The following TNFSF15 variants were observed in gnomAD, a reference collection of about 807,000 sequenced individuals.
TNFSF15 encodes tumor necrosis factor ligand superfamily member 15.
Under a neutral mutation model 26.4 loss-of-function variants are expected in TNFSF15, and 15 were observed. That is an observed-to-expected ratio of 0.57 (90% CI 0.38 to 0.87). The LOEUF (loss-of-function observed/expected upper bound fraction) is 0.87, where lower values mean the gene tolerates loss of function less well. TNFSF15 is among the 40% of genes least tolerant of loss of function. TNFSF15 has a pLI of 0.00. For missense variants in TNFSF15, 290 were observed against 306.1 expected (o/e 0.95, Z 0.39); for synonymous variants, 116 against 115.0 (o/e 1.01, Z -0.06).
At chr9:114,800,189 C>G (rs886309897) in intron 1 of TNFSF15, among the ~76,000 whole-genome samples, 2 of 152,132 alleles carry the variant, frequency 1.3e-5, no homozygotes, top group African/African-American at 4.8e-5. Context: ...CAGCAGCTTT[C>G]TGGACATTTT....
At position 114,788,455 on chromosome 9, in the gene TNFSF15, C is replaced by T. The variant is rs1443376835; in HGVS notation, c.*1997G>A. 6.5e-6 allele frequency: 1 copy of T among 152,988 alleles called. No individual in the cohort carries two copies. The highest frequency in any genetic ancestry group is 1.5e-5 in the Non-Finnish European group (1 of 68,034). 9.5% of individuals were successfully genotyped at this position (152,988 alleles called of 1,614,324 possible). On this transcript the variant is annotated 3_prime_UTR_variant, in exon 4 of 4. Coordinates refer to ENST00000374045, the MANE Select transcript of TNFSF15 (RefSeq NM_005118.4). ...AGAGGTTAGAAAATATATTTAGAGC[C>T]TTAACCTCCAAACTGAGAAATCAGA...
chr9:114,790,144 A>G lies in TNFSF15; in HGVS notation c.*308T>C. ...GAAGGTGTTGAAATATTTCTCTTTC[A>G]ATCCTGACCCGAGTAGATCATCCAT... On this transcript the variant is annotated 3_prime_UTR_variant, in exon 4 of 4. Coordinates refer to ENST00000374045, the MANE Select transcript of TNFSF15 (RefSeq NM_005118.4). 1 of 224,452 alleles carries G rather than the reference A, an allele frequency of 4.5e-6. No individual in the cohort carries two copies. The highest frequency in any genetic ancestry group is 8.8e-6 in the Non-Finnish European group (1 of 113,242). The allele number at this position is 224,452 out of a possible 1,614,324, so 13.9% of individuals were successfully genotyped here. A position where few individuals can be genotyped will look rare whatever the true frequency, so the allele number is the denominator to read the frequency against.
In TNFSF15 at chr9:114,786,461, C is replaced by A. The variant is rs1157575475; in HGVS notation, c.*3991G>T. On this transcript the variant is annotated 3_prime_UTR_variant, in exon 4 of 4. Transcript: ENST00000374045. ...TTTATAATCCAGGGGGATTACTGAC[C>A]AGCACAGAGGCGGAATTTCCTCTGG... is the stretch of plus-strand genomic sequence containing the variant. The A allele has an allele frequency of 2.0e-5, 3 of 152,184 alleles. No homozygotes were observed. Among genetic ancestry groups the A allele is most frequent in the Non-Finnish European group, 4.4e-5 (3 of 68,048 alleles). The allele number at this position is 152,184 out of a possible 1,614,324, so 9.4% of individuals were successfully genotyped here. A position where few individuals can be genotyped will look rare whatever the true frequency, so the allele number is the denominator to read the frequency against.
At position 114,793,824 on chromosome 9, in the gene TNFSF15, C is replaced by T. The variant is rs16931761; in HGVS notation, c.211-256G>A. Among the ~76,000 whole-genome samples the T allele has an allele frequency of 7.6e-3, 1,152 of 152,252 alleles. 11 individuals carry two copies. The highest frequency in any genetic ancestry group is 0.033 in the East Asian group (172 of 5,176). On this transcript the variant is annotated intron_variant, in intron 1 of 3. Coordinates refer to ENST00000374045, the MANE Select transcript of TNFSF15 (RefSeq NM_005118.4). Reference sequence around the variant, plus strand: ...TGAAGCTCAACTTTAAGGTTCTTTTCTTGAGAGATTTTCTCGTTCTATTCT... The same window carrying T: ...TGAAGCTCAACTTTAAGGTTCTTTTTTTGAGAGATTTTCTCGTTCTATTCT...
At position 114,786,933 on chromosome 9, in the gene TNFSF15, GA is replaced by G. The variant is rs1360121800; in HGVS notation, c.*3518del. The G allele has an allele frequency of 8.4e-6, 1 of 119,486 alleles. No homozygotes were observed. The highest frequency in any genetic ancestry group is 8.3e-5 in the Admixed American group (1 of 11,978). 7.4% of individuals were successfully genotyped at this position (119,486 alleles called of 1,614,324 possible). On this transcript the variant is annotated 3_prime_UTR_variant, in exon 4 of 4. Coordinates refer to ENST00000374045, the MANE Select transcript of TNFSF15 (RefSeq NM_005118.4). Reference sequence around the variant, plus strand: ...TCTCAAAAAAAAAAAAAAAAAAAAAGAAAAAGAAATTTTAGTAGCATAATCA... The same window carrying G: ...TCTCAAAAAAAAAAAAAAAAAAAAAGAAAAGAAATTTTAGTAGCATAATCA...
chr9:114,801,383 TG>T (rs1829745633), intron 1 of TNFSF15, among the ~76,000 whole-genome samples: 1 of 151,808 alleles, frequency 6.6e-6, no homozygotes, highest in Non-Finnish European at 1.5e-5. Flanking sequence ...GAGGAATTAG[TG>T]GGGGTTGGGA....
intron 1 of TNFSF15, among the ~76,000 whole-genome samples, chr9:114,795,649 G>A (rs534740647): frequency 6.6e-6 from 1 of 152,278 alleles, no homozygotes; most frequent in South Asian, 2.1e-4. Flanking sequence ...GCAGATTTTG[G>A]TGTCCATGGG....
chr9:114,795,368 C>T (rs1829661159), intron 1 of TNFSF15, among the ~76,000 whole-genome samples: 1 of 152,100 alleles, frequency 6.6e-6, no homozygotes. Context: ...AGTGTATAGT[C>T]AGGTTCTATG....
At chr9:114,797,254 C>T (rs928765687) in intron 1 of TNFSF15, among the ~76,000 whole-genome samples, 2 of 152,214 alleles carry the variant, frequency 1.3e-5, no homozygotes, top group Non-Finnish European at 2.9e-5. Context: ...TCCCTGTTTG[C>T]TCTGCTGGAC....
chr9:114,795,553 T>C (rs570212130), intron 1 of TNFSF15, among the ~76,000 whole-genome samples: 3 of 152,320 alleles, frequency 2.0e-5, no homozygotes, highest in Non-Finnish European at 2.9e-5. Context: ...TCACAAGCAA[T>C]CTATGGATGA....
At chr9:114,793,457 CT>C in intron 2 of TNFSF15, 68 bp downstream of exon 2, 1 of 1,555,518 alleles carries the variant, frequency 6.4e-7, no homozygotes, top group South Asian at 1.1e-5. Flanking sequence ...TCTGAACTTC[CT>C]GCATACAGAA....
At chr9:114,799,483 A>T (rs1829713005) in intron 1 of TNFSF15, among the ~76,000 whole-genome samples, 1 of 152,238 alleles carries the variant, frequency 6.6e-6, no homozygotes, top group East Asian at 1.9e-4. Context: ...ATGCTTTAGG[A>T]GCTCCGGGAG....
In TNFSF15 at chr9:114,787,480, A is replaced by T. The variant is rs1377488990; in HGVS notation, c.*2972T>A. On this transcript the variant is annotated 3_prime_UTR_variant, in exon 4 of 4. Transcript: ENST00000374045. The stretch of plus-strand genomic sequence containing the variant: ...CCCCAGGGGCAGTAGGTACTCAGTA[A>T]ATGTTTGTGGAATTGATTTGAATTC... 1.3e-5 allele frequency: 2 copies of T among 152,206 alleles called. No individual in the cohort carries two copies. The highest frequency in any genetic ancestry group is 2.9e-5 in the Non-Finnish European group (2 of 68,040). 9.4% of individuals were successfully genotyped at this position (152,206 alleles called of 1,614,324 possible).
intron 3 of TNFSF15, chr9:114,792,015 G>A (rs1829606445): frequency 5.3e-6 from 1 of 188,816 alleles, no homozygotes; most frequent in African/African-American, 2.4e-5. Context: ...AGGGCTGATA[G>A]AATCTGAAAG....
At chr9:114,805,338 A>G (rs1829806143) in intron 1 of TNFSF15, among the ~76,000 whole-genome samples, 1 of 152,206 alleles carries the variant, frequency 6.6e-6, no homozygotes, top group Admixed American at 6.5e-5. Flanking sequence ...CTCATTAAAA[A>G]ATCCGTTTTA....
chr9:114,804,619 T>TG (rs1042585728), intron 1 of TNFSF15, among the ~76,000 whole-genome samples: 3 of 152,294 alleles, frequency 2.0e-5, no homozygotes, highest in African/African-American at 7.2e-5. Context: ...ACTGGCCCCT[T>TG]GGTGGTCAAA....
At position 114,790,268 on chromosome 9, in the gene TNFSF15, T is replaced by C. The variant is rs1234731632; in HGVS notation, c.*184A>G. ...TCTTCAGCCTTTTTCCAGTTAGTACTCTCATCAGTAAGGCACATGAAGTGT... is the reference window on the plus strand; with the variant it reads ...TCTTCAGCCTTTTTCCAGTTAGTACCCTCATCAGTAAGGCACATGAAGTGT... On this transcript the variant is annotated 3_prime_UTR_variant, in exon 4 of 4. Transcript: ENST00000374045. 1.8e-6 allele frequency: 1 copy of C among 563,796 alleles called. No homozygotes were observed. Among genetic ancestry groups the C allele is most frequent in the Non-Finnish European group, 3.1e-6 (1 of 322,884 alleles). The allele number at this position is 563,796 out of a possible 1,614,324, so 34.9% of individuals were successfully genotyped here. A position where few individuals can be genotyped will look rare whatever the true frequency, so the allele number is the denominator to read the frequency against.
intron 3 of TNFSF15, chr9:114,792,019 C>T (rs1439087883): frequency 2.6e-5 from 5 of 191,164 alleles, no homozygotes; most frequent in Non-Finnish European, 6.0e-5. Flanking sequence ...CTGATAGAAT[C>T]TGAAAGAAAA....
At chr9:114,800,910 G>A (rs1049822868) in intron 1 of TNFSF15, among the ~76,000 whole-genome samples, 1 of 152,220 alleles carries the variant, frequency 6.6e-6, no homozygotes, top group Admixed American at 6.5e-5. Context: ...CTATTGGTCT[G>A]ATTGGAGACC....
Sources: allele counts gnomAD v4.1 joint callset (sites outside exome capture counted in the v4.1 genomes callset), GRCh38; gene constraint gnomAD v4.1.1; transcripts MANE v1.5; gene names NCBI Gene and HGNC (gene_info 2026-07-23, HGNC 2026-07-21).